Variants in SH3D21 observed in about 807,000 individuals in gnomAD.
SH3D21 encodes SH3 domain-containing protein 21.
In SH3D21, 83 loss-of-function variants were observed where a neutral mutation model predicts 82.1. The ratio of observed to expected loss-of-function variants is 1.01; its 90% CI spans 0.85 to 1.21. The LOEUF is 1.21. Among genes scored for constraint, SH3D21 ranks in the 50% most tolerant of loss-of-function variants. SH3D21 has a pLI of 0.00. For missense variants in SH3D21, 980 were observed against 962.1 expected (o/e 1.02, Z -0.25); for synonymous variants, 383 against 387.8 (o/e 0.99, Z 0.15).
intron 10 of SH3D21, among the ~76,000 whole-genome samples, chr1:36,318,712 A>C (rs1375662607): frequency 2.0e-5 from 3 of 151,828 alleles, no homozygotes; most frequent in African/African-American, 7.3e-5. Flanking sequence ...TGAGACCATC[A>C]TGGCTAACAC....
chr1:36,314,908 C>T (rs1187987321), intron 10 of SH3D21, among the ~76,000 whole-genome samples: 1 of 152,116 alleles, frequency 6.6e-6, no homozygotes, highest in African/African-American at 2.4e-5. Flanking sequence ...GCTGCTGATC[C>T]TCACAGTTTG....
At chr1:36,308,298 C>A in intron 8 of SH3D21, 89 bp downstream of exon 8, 1 of 1,480,568 alleles carries the variant, frequency 6.8e-7, no homozygotes, top group Non-Finnish European at 9.2e-7. Context: ...CTAAAATAAA[C>A]GTTGAAATTA....
rs1478714794 is a variant in SH3D21 at position 36,320,748 on chromosome 1, C to T, written c.2085C>T (p.Gly695=). 4.4e-5 allele frequency: 71 copies of T among 1,603,378 alleles called. No individual in the cohort carries two copies. Among genetic ancestry groups the T allele is most frequent in the Non-Finnish European group, 5.5e-5 (65 of 1,174,782 alleles). ...GAGTTGATGTAACGTCGCTGAGGGG[C>T]GAGGTGGAGTCTCTAAGGAGGGCGC... ...NEGVDVTSLR[G]EVESLRRALE... is the part of the protein sequence containing the mutation. Residue 695 remains glycine, a synonymous_variant, in exon 14 of 16, where the codon GGC becomes GGT. Transcript: ENST00000453908.
chr1:36,319,726 A>T lies in SH3D21; in HGVS notation c.1063A>T (p.Met355Leu). ...GGCCCCCTCTGTGAAGAGAACCCCC[A>T]TGCCGGACAAGACTGCCACCCCAGA... is the stretch of plus-strand genomic sequence containing the variant. ...VKAPSVKRTP[M>L]PDKTATPERP... Residue 355 changes from methionine (M) to leucine (L), a missense_variant, in exon 14 of 16, where the codon ATG becomes TTG. Coordinates refer to ENST00000453908, the MANE Select transcript of SH3D21 (RefSeq NM_001162530.2). The T allele has an allele frequency of 6.3e-7, 1 of 1,596,458 alleles. No homozygotes were observed. Among genetic ancestry groups the T allele is most frequent in the Non-Finnish European group, 8.5e-7 (1 of 1,173,004 alleles).
At chr1:36,328,349 C>T (rs1466486583), downstream of SH3D21, 2 of 360,036 alleles carry the variant, frequency 5.6e-6, no homozygotes, top group East Asian at 7.3e-5. Flanking sequence ...CACCCTACCA[C>T]GGGGATAGGT....
downstream of SH3D21, among the ~76,000 whole-genome samples, chr1:36,326,063 C>G (rs1231126826): frequency 6.6e-6 from 1 of 152,130 alleles, no homozygotes; most frequent in Non-Finnish European, 1.5e-5. Context: ...GAGGAGGCAG[C>G]TGTGCCAGGA....
intron 10 of SH3D21, among the ~76,000 whole-genome samples, chr1:36,311,206 GCTGAGA>G (rs1309389379): frequency 1.3e-5 from 2 of 151,786 alleles, no homozygotes; most frequent in African/African-American, 4.8e-5. Flanking sequence ...ACCGTGCCTG[GCTGAGA>G]TTTGCTGTTT....
chr1:36,322,588 G>A (rs775700586), downstream of SH3D21: 5 of 1,569,856 alleles, frequency 3.2e-6, no homozygotes, highest in Non-Finnish European at 4.3e-6. Context: ...GTGCTGCTGC[G>A]GGGGTCCCGG....
At chr1:36,311,349 T>C (rs1322406792) in intron 10 of SH3D21, among the ~76,000 whole-genome samples, 3 of 152,168 alleles carry the variant, frequency 2.0e-5, no homozygotes, top group Non-Finnish European at 4.4e-5. Flanking sequence ...CACGCCATTC[T>C]CCTGCCTCAG....
chr1:36,322,831 T>C (rs1485685222), downstream of SH3D21: 2 of 1,488,358 alleles, frequency 1.3e-6, no homozygotes, highest in South Asian at 1.2e-5. Flanking sequence ...CTGTAACCCC[T>C]ACTCGAAGGG....
chr1:36,308,668 G>A (rs1428126468), intron 9 of SH3D21, among the ~76,000 whole-genome samples, 193 bp downstream of exon 9: 3 of 152,128 alleles, frequency 2.0e-5, no homozygotes, highest in Non-Finnish European at 2.9e-5. Flanking sequence ...GAAGTGTTTC[G>A]GATTTGGGAA....
chr1:36,306,816 C>A lies in SH3D21; in HGVS notation c.163-26C>A, dbSNP rs1187008367. 1 of 1,294,092 alleles carries A rather than the reference C, an allele frequency of 7.7e-7. No individual in the cohort carries two copies. Among genetic ancestry groups the A allele is most frequent in the Non-Finnish European group, 1.0e-6 (1 of 988,644 alleles). 80.2% of individuals were successfully genotyped at this position (1,294,092 alleles called of 1,614,324 possible). The stretch of plus-strand genomic sequence containing the variant: ...GCGCGCGCCCCCCGGGAGCTGAGAG[C>A]GCCTTCCCCGTGCCCTGATTCCCAG... On this transcript the variant is annotated intron_variant, in intron 2 of 15. Coordinates refer to ENST00000453908, the MANE Select transcript of SH3D21 (RefSeq NM_001162530.2). This position sits in a 1 kb window ranked among gnomAD's most constrained non-coding sequence, Gnocchi z 4.5.
downstream of SH3D21, chr1:36,321,387 GA>G: frequency 7.3e-7 from 1 of 1,361,024 alleles, no homozygotes; most frequent in Non-Finnish European, 9.5e-7. This position sits in a 1 kb window ranked among gnomAD's most constrained non-coding sequence, Gnocchi z 6.1. Flanking sequence ...ACCGGATGGT[GA>G]GGGGCGGGGG....
At chr1:36,328,391 G>C (rs1646564976), downstream of SH3D21, 2 of 345,240 alleles carry the variant, frequency 5.8e-6, no homozygotes, top group Non-Finnish European at 1.1e-5. Context: ...GACTCACCGG[G>C]GGCCTCCTGA....
downstream of SH3D21, chr1:36,321,829 G>A (rs571348001): frequency 1.4e-5 from 14 of 1,015,632 alleles, no homozygotes; most frequent in South Asian, 5.1e-4. The surrounding 1 kb of genome is among the most constrained non-coding windows in gnomAD (Gnocchi z 6.1). Context: ...CTCTGTGTGT[G>A]AGGCTGGGTG....
downstream of SH3D21, chr1:36,322,204 G>A (rs1646474792): frequency 8.7e-6 from 12 of 1,386,882 alleles, no homozygotes; most frequent in Admixed American, 1.2e-4. Flanking sequence ...TGGGAGCTGT[G>A]GGGGCCGAGG....
intron 10 of SH3D21, among the ~76,000 whole-genome samples, chr1:36,313,175 T>C (rs1646274100): frequency 6.6e-6 from 1 of 151,996 alleles, no homozygotes; most frequent in South Asian, 2.1e-4. Flanking sequence ...ATACAAAAAA[T>C]TAGCCAGGCA....
At chr1:36,324,118 G>A (rs894770102), downstream of SH3D21, 3 of 152,216 alleles carry the variant, frequency 2.0e-5, no homozygotes, top group Non-Finnish European at 4.4e-5. Context: ...GAAGGGAGGG[G>A]ACTGTCCACC....
chr1:36,323,084 G>T (rs1001333537), downstream of SH3D21: 1 of 1,580,670 alleles, frequency 6.3e-7, no homozygotes, highest in Non-Finnish European at 8.6e-7. Context: ...GGTCAGCAAA[G>T]TCAGATCCTT....
Sources: allele counts gnomAD v4.1 joint callset (sites outside exome capture counted in the v4.1 genomes callset), GRCh38; gene constraint gnomAD v4.1.1; non-coding constraint Gnocchi (gnomAD v3.1); transcripts MANE v1.5; gene names NCBI Gene and HGNC (gene_info 2026-07-23, HGNC 2026-07-21).